Variants in TMOD1 observed in about 807,000 individuals in gnomAD.
The protein encoded by TMOD1 is tropomodulin 1, also known as tropomodulin-1.
A neutral mutation model predicts 40.6 loss-of-function variants in TMOD1; 17 were observed. The ratio of observed to expected loss-of-function variants is 0.42; its 90% CI spans 0.29 to 0.63. The LOEUF is 0.63. TMOD1 is among the 20% of genes least tolerant of loss of function. The pLI, the probability that TMOD1 is intolerant of heterozygous loss-of-function variation, is 0.22. For synonymous variants in TMOD1, 181 were observed against 175.0 expected, an observed-to-expected ratio of 1.03 and a Z score of -0.27; for missense variants, 391 against 447.6, an observed-to-expected ratio of 0.87 and a Z score of 1.14.
intron 8 of TMOD1, among the ~76,000 whole-genome samples, chr9:97,570,651 C>T (rs114609899): frequency 2.7e-3 from 412 of 152,274 alleles, no homozygotes; most frequent in African/African-American, 9.4e-3. Flanking sequence ...CCTTGGCTTC[C>T]CTTGAGCTTC....
At chr9:97,511,998 CT>C (rs1469360380) in intron 1 of TMOD1, among the ~76,000 whole-genome samples, 2 of 152,224 alleles carry the variant, frequency 1.3e-5, no homozygotes, top group Non-Finnish European at 2.9e-5. Flanking sequence ...CAGACCTCTT[CT>C]GTTCCCTCTT....
At chr9:97,543,216 C>G (rs1237709954) in intron 2 of TMOD1, among the ~76,000 whole-genome samples, 1 of 152,260 alleles carries the variant, frequency 6.6e-6, no homozygotes, top group Non-Finnish European at 1.5e-5. Flanking sequence ...CATTAAAACC[C>G]TTTATGGTAA....
intron 1 of TMOD1, among the ~76,000 whole-genome samples, chr9:97,520,644 G>A (rs1221468591): frequency 1.3e-5 from 2 of 152,190 alleles, no homozygotes; most frequent in Non-Finnish European, 2.9e-5. Context: ...GACTCTTGAC[G>A]TTAGAAAGGG....
chr9:97,505,657 A>T (rs563193442), intron 1 of TMOD1, among the ~76,000 whole-genome samples: 4 of 151,318 alleles, frequency 2.6e-5, no homozygotes, highest in African/African-American at 9.7e-5. Context: ...TCACCTCCCA[A>T]CTCCCTAATT....
At chr9:97,525,693 C>G (rs1830003496) in intron 2 of TMOD1, among the ~76,000 whole-genome samples, 1 of 152,228 alleles carries the variant, frequency 6.6e-6, no homozygotes, top group African/African-American at 2.4e-5. Flanking sequence ...TACTTTCTTA[C>G]CTCCCTTGTG....
intron 6 of TMOD1, among the ~76,000 whole-genome samples, chr9:97,565,007 T>A (rs113726686): frequency 2.6e-4 from 39 of 152,326 alleles, no homozygotes; most frequent in Middle Eastern, 3.4e-3. Context: ...GGCCTCCCCA[T>A]GCTCTGCTCC....
chr9:97,578,625 C>T (rs1030259695), intron 8 of TMOD1, among the ~76,000 whole-genome samples: 4 of 150,336 alleles, frequency 2.7e-5, no homozygotes, highest in Admixed American at 2.0e-4. Context: ...ATGAATAAGC[C>T]GAGGGAGCAT....
chr9:97,546,248 T>G lies in TMOD1; in HGVS notation c.184T>G (p.Phe62Val). The part of the protein sequence containing the change: ...DQTTKAPTGP[F>V]KREELLDHLE... The stretch of plus-strand genomic sequence containing the variant: ...GACCACCAAGGCGCCCACGGGCCCC[T>G]TTAAAAGAGAGGAGCTCTTGGATCA... The change falls in exon 3 of 10, where the codon TTT (phenylalanine) becomes GTT (valine). Residue 62 changes from phenylalanine (F) to valine (V), a missense_variant. Phe to Val is a conservative substitution (Grantham distance 50). Transcript: ENST00000259365. 1 of 1,613,968 alleles carries G rather than the reference T, an allele frequency of 6.2e-7. No homozygotes were observed. Among genetic ancestry groups the G allele is most frequent in the Non-Finnish European group, 8.5e-7 (1 of 1,179,980 alleles).
At chr9:97,573,012 C>A (rs994042852) in intron 8 of TMOD1, among the ~76,000 whole-genome samples, 1 of 152,202 alleles carries the variant, frequency 6.6e-6, no homozygotes, top group Non-Finnish European at 1.5e-5. Context: ...AGCGGGGAAA[C>A]TGAGGATGAG....
intron 1 of TMOD1, among the ~76,000 whole-genome samples, chr9:97,518,465 G>A (rs758106860): frequency 1.6e-4 from 25 of 152,216 alleles, no homozygotes; most frequent in Non-Finnish European, 2.8e-4. Context: ...GGGCTTTGAC[G>A]GGGGCATCCC....
intron 2 of TMOD1, among the ~76,000 whole-genome samples, chr9:97,531,036 C>CG (rs1554754340): frequency 1.6e-5 from 2 of 127,304 alleles, no homozygotes; most frequent in Non-Finnish European, 3.4e-5. Context: ...GATCCACACC[C>CG]ACCCCCCCCA....
chr9:97,511,108 A>ATG (rs1564227009), intron 1 of TMOD1, among the ~76,000 whole-genome samples: 29 of 149,714 alleles, frequency 1.9e-4, no homozygotes, highest in African/African-American at 7.2e-4. Flanking sequence ...ACACACACAC[A>ATG]CACAGGCTTT....
chr9:97,600,906 T>A lies in TMOD1; in HGVS notation c.*1208T>A. 8.6e-7 allele frequency: 1 copy of A among 1,157,628 alleles called. No homozygotes were observed. Among genetic ancestry groups the A allele is most frequent in the Non-Finnish European group, 1.1e-6 (1 of 919,798 alleles). 71.7% of individuals were successfully genotyped at this position (1,157,628 alleles called of 1,614,324 possible). A position where few individuals can be genotyped will look rare whatever the true frequency, so the allele number is the denominator to read the frequency against. On this transcript the variant is annotated 3_prime_UTR_variant, in exon 10 of 10. Coordinates refer to ENST00000259365, the MANE Select transcript of TMOD1 (RefSeq NM_003275.4). ...TAATATACCACAGTGCCAGTTAAAC[T>A]AATATTTTTGTTTGTTGCTTTTGGG...
intron 8 of TMOD1, among the ~76,000 whole-genome samples, chr9:97,571,258 G>A (rs1402954825): frequency 6.6e-6 from 1 of 152,196 alleles, no homozygotes; most frequent in African/African-American, 2.4e-5. Flanking sequence ...TCACTGTGGT[G>A]GCAGCTGCCA....
chr9:97,592,845 CA>C (rs1826029547), intron 9 of TMOD1, among the ~76,000 whole-genome samples: 5 of 152,208 alleles, frequency 3.3e-5, no homozygotes, highest in Admixed American at 1.3e-4. Context: ...ATTCATTGCT[CA>C]CTGCAAATGC....
Position 97,553,307 on chromosome 9 carries a change from C to A in TMOD1, c.304C>A (p.Pro102Thr). 3 of 1,614,142 alleles carry A rather than the reference C, an allele frequency of 1.9e-6. No homozygotes were observed. The highest frequency in any genetic ancestry group is 2.5e-6 in the Non-Finnish European group (3 of 1,180,014). ...RGKVWVPKQK[P>T]LDPVLESVTL... is the part of the protein sequence containing the mutation. The stretch of plus-strand genomic sequence containing the variant: ...AAAGGTCTGGGTTCCTAAGCAGAAG[C>A]CACTGGATCCTGTGCTGGAAAGTGT... Residue 102 changes from proline to threonine, a missense_variant, in exon 4 of 10, where the codon CCA becomes ACA. By Grantham distance (38) the Pro-to-Thr change is conservative (BLOSUM62 -1). Coordinates refer to ENST00000259365, the MANE Select transcript of TMOD1 (RefSeq NM_003275.4).
Position 97,518,109 on chromosome 9 carries a change from G to C in TMOD1, c.-48-6032G>C, listed in dbSNP as rs141557212. Among the ~76,000 whole-genome samples, 72 of 152,292 alleles carry C rather than the reference G, an allele frequency of 4.7e-4. No individual in the cohort carries two copies. The East Asian group carries it at 0.013, about 28-fold the overall frequency. On this transcript the variant is annotated intron_variant, in intron 1 of 9. Transcript: ENST00000259365. ...AACACCTGCCCCATCTTCTCCTCCT[G>C]TCCCAGTTCCATGTTATTATGGGTT...
At chr9:97,544,609 G>C (rs1830332310) in intron 2 of TMOD1, among the ~76,000 whole-genome samples, 1 of 151,990 alleles carries the variant, frequency 6.6e-6, no homozygotes, top group Non-Finnish European at 1.5e-5. Flanking sequence ...ATCCCTCTAT[G>C]TGCCAGGCAT....
chr9:97,593,965 G>A lies in TMOD1; in HGVS notation c.1015+2530G>A, dbSNP rs1378361890. Among the ~76,000 whole-genome samples, 3 of 152,132 alleles carry A rather than the reference G, an allele frequency of 2.0e-5. No homozygotes were observed. The East Asian group carries it at 5.8e-4, about 29-fold the overall frequency. On this transcript the variant is annotated intron_variant, in intron 9 of 9. Coordinates refer to ENST00000259365, the MANE Select transcript of TMOD1 (RefSeq NM_003275.4). ...ATTCCAAGCAGAGGGAACAGCATGA[G>A]CAAAGGCAGGACAGTTGAAAGTATA...
Sources: gnomAD v4.1 joint callset for allele counts (sites outside exome capture counted in the v4.1 genomes callset) on GRCh38, gnomAD v4.1.1 for gene constraint, MANE v1.5 for transcripts, NCBI Gene and HGNC (gene_info 2026-07-23, HGNC 2026-07-21) for gene names.